CCDC191: variants seen among roughly 807,000 people sequenced by gnomAD.
CCDC191 encodes the protein coiled-coil domain containing 191.
In CCDC191, 99 loss-of-function variants were observed where a neutral mutation model predicts 114.0. That is an observed-to-expected ratio of 0.87 (90% CI 0.74 to 1.03). The LOEUF (loss-of-function observed/expected upper bound fraction) is 1.03, where lower values mean the gene tolerates loss of function less well. Among genes scored for constraint, CCDC191 ranks in the 50% least tolerant of loss-of-function variants. The probability of loss-of-function intolerance (pLI) is 0.00; values close to 1 mark genes in which losing one functional copy is unlikely to be tolerated. For missense variants in CCDC191, 973 were observed against 1,087.0 expected (o/e 0.90, Z 1.47); for synonymous variants, 351 against 376.0 (o/e 0.93, Z 0.77).
intron 8 of CCDC191, among the ~76,000 whole-genome samples, chr3:114,016,781 C>T (rs1462809144): frequency 6.6e-6 from 1 of 152,174 alleles, no homozygotes; most frequent in African/African-American, 2.4e-5. Context: ...ATACAAGTTT[C>T]TTCTAGCATG....
intron 7 of CCDC191, among the ~76,000 whole-genome samples, chr3:114,029,761 T>C (rs1358168766): frequency 1.3e-5 from 2 of 152,106 alleles, no homozygotes; most frequent in Non-Finnish European, 2.9e-5. Context: ...ATAGCATTCT[T>C]ACCAAAAATG....
At chr3:114,025,466 T>C (rs1380449742) in intron 7 of CCDC191, among the ~76,000 whole-genome samples, 1 of 152,206 alleles carries the variant, frequency 6.6e-6, no homozygotes, top group Non-Finnish European at 1.5e-5. Flanking sequence ...ATGTACCCCT[T>C]ACATAAGGCC....
chr3:114,025,772 C>G (rs1044265065), intron 7 of CCDC191, among the ~76,000 whole-genome samples: 116 of 152,264 alleles, frequency 7.6e-4, no homozygotes, highest in African/African-American at 2.7e-3. Context: ...CCTTAGAGAC[C>G]TTCTTCCCCA....
rs1188003190 is a variant in CCDC191, at chr3:113,965,088, G to C, written c.*67C>G. The C allele has an allele frequency of 1.2e-6, 1 of 858,694 alleles. No homozygotes were observed. Among genetic ancestry groups the C allele is most frequent in the Admixed American group, 2.5e-5 (1 of 40,290 alleles). 53.2% of individuals were successfully genotyped at this position (858,694 alleles called of 1,614,324 possible). The stretch of plus-strand genomic sequence containing the variant: ...CCAGGTGTATGTATGTATGTGTGTG[G>C]GTGGGTGGAGATAACACACATACAG... On this transcript the variant is annotated 3_prime_UTR_variant, in exon 17 of 17. Transcript: ENST00000295878.
intron 16 of CCDC191, among the ~76,000 whole-genome samples, chr3:113,966,949 A>G (rs1940240057): frequency 6.6e-6 from 1 of 151,976 alleles, no homozygotes; most frequent in African/African-American, 2.4e-5. Flanking sequence ...AAATACAAAA[A>G]TTAGCCCGGC....
chr3:114,027,624 A>AAAG (rs1553751132), intron 7 of CCDC191, among the ~76,000 whole-genome samples: 29 of 131,016 alleles, frequency 2.2e-4, no homozygotes, highest in Non-Finnish European at 4.2e-4. Flanking sequence ...AAAAAAAAAG[A>AAAG]AAAAAAAATC....
chr3:114,013,042 G>T (rs2076098253), intron 8 of CCDC191, among the ~76,000 whole-genome samples: 1 of 152,070 alleles, frequency 6.6e-6, no homozygotes, highest in Admixed American at 6.6e-5. Context: ...TTGAGCCCAG[G>T]AGTTTGAGAC....
At chr3:114,049,695 AG>A (rs1204955920) in intron 2 of CCDC191, among the ~76,000 whole-genome samples, 1 of 152,342 alleles carries the variant, frequency 6.6e-6, no homozygotes, top group East Asian at 1.9e-4. Context: ...TAACAAGGCA[AG>A]TGTTTGGGAT....
intron 16 of CCDC191, among the ~76,000 whole-genome samples, chr3:113,972,695 G>A (rs1416399321): frequency 6.6e-6 from 1 of 152,092 alleles, no homozygotes; most frequent in Non-Finnish European, 1.5e-5. Context: ...TTGTATTGCA[G>A]TTATCTCTCC....
At chr3:114,009,939 G>A (rs111626523) in intron 9 of CCDC191, among the ~76,000 whole-genome samples, 1 of 152,004 alleles carries the variant, frequency 6.6e-6, no homozygotes, top group Non-Finnish European at 1.5e-5. Flanking sequence ...CTAGTCCTTA[G>A]ACAGGGGATA....
In CCDC191 at chr3:113,999,340, C is replaced by T. The variant is rs568616106; in HGVS notation, c.2163+2255G>A. Among the ~76,000 whole-genome samples, 5 of 152,198 alleles carry T rather than the reference C, an allele frequency of 3.3e-5. No homozygotes were observed. In the South Asian group the frequency reaches 1.0e-3, roughly 32 times the overall value. ...GACTGCTACCTGGCCACTTTCGGCT[C>T]CTTGTGCCACTGAATCGATGGCAAA... On this transcript the variant is annotated intron_variant, in intron 13 of 16. Coordinates refer to ENST00000295878, the MANE Select transcript of CCDC191 (RefSeq NM_020817.2).
intron 3 of CCDC191, among the ~76,000 whole-genome samples, chr3:114,045,050 A>C (rs572062032): frequency 5.9e-5 from 9 of 152,234 alleles, no homozygotes; most frequent in Non-Finnish European, 1.0e-4. Context: ...GATAATATAC[A>C]GATTTCAGGA....
Position 114,005,844 on chromosome 3 carries a change from G to A in CCDC191, c.1532C>T (p.Ser511Phe). The A allele has an allele frequency of 1.2e-6, 2 of 1,614,058 alleles. No homozygotes were observed. Among genetic ancestry groups the A allele is most frequent in the African/African-American group, 2.7e-5 (2 of 75,034 alleles). Residue 511 changes from serine (S) to phenylalanine (F), a missense_variant, in exon 10 of 17, where the codon TCT becomes TTT. Ser to Phe is a radical substitution (Grantham distance 155, BLOSUM62 -2). Transcript: ENST00000295878. Reference protein sequence around the residue: ...GNLQGSLQNVSLSAPGNKQHK... With the variant: ...GNLQGSLQNVFLSAPGNKQHK... ...CTGCTTATTGCCAGGTGCACTCAGA[G>A]AGACATTCTGAAGGGAACCCTGCAA...
Position 114,036,793 on chromosome 3 carries a change from G to A in CCDC191, c.416-7C>T, listed in dbSNP as rs1305039670. ...TCCAAATAGCCACATAAATCTGGGG[G>A]AAACAGAACAACAAAAAAGGGAATT... is the stretch of plus-strand genomic sequence containing the variant. On this transcript the variant is annotated splice_region_variant and splice_polypyrimidine_tract_variant and intron_variant, in intron 4 of 16. Transcript: ENST00000295878. 10 of 1,484,988 alleles carry A rather than the reference G, an allele frequency of 6.7e-6. No individual in the cohort carries two copies. The East Asian group carries it at 1.0e-4, about 15-fold the overall frequency. 92.0% of individuals were successfully genotyped at this position (1,484,988 alleles called of 1,614,324 possible).
chr3:113,989,473 C>T (rs1353047950), intron 13 of CCDC191, among the ~76,000 whole-genome samples: 2 of 152,008 alleles, frequency 1.3e-5, no homozygotes, highest in Admixed American at 6.5e-5. Flanking sequence ...GGAACTTAAA[C>T]TAGAAATTAA....
chr3:114,047,189 CAT>C (rs1399369592), intron 2 of CCDC191: 1 of 816,186 alleles, frequency 1.2e-6, no homozygotes. Context: ...ATTAGGCAAT[CAT>C]ATATTAGGTT....
At chr3:113,989,469 TAAACTAGAAATTA>T (rs1334697845) in intron 13 of CCDC191, among the ~76,000 whole-genome samples, 2 of 152,154 alleles carry the variant, frequency 1.3e-5, no homozygotes, top group South Asian at 2.1e-4. Context: ...ATAAGGAACT[TAAACTAGAAATTA>T]AAACTAGAAA....
intron 8 of CCDC191, among the ~76,000 whole-genome samples, chr3:114,016,578 G>C (rs1313917462): frequency 6.6e-6 from 1 of 152,084 alleles, no homozygotes. Flanking sequence ...AACTCTGGCA[G>C]TTAAAAAATG....
intron 16 of CCDC191, among the ~76,000 whole-genome samples, chr3:113,975,577 C>T (rs1338327401): frequency 6.6e-6 from 1 of 152,158 alleles, no homozygotes; most frequent in African/African-American, 2.4e-5. Flanking sequence ...GTGGTGCTTC[C>T]ACTCTGTTTA....
Sources: allele counts gnomAD v4.1 joint callset (sites outside exome capture counted in the v4.1 genomes callset), GRCh38; gene constraint gnomAD v4.1.1; transcripts MANE v1.5; gene names NCBI Gene and HGNC (gene_info 2026-07-23, HGNC 2026-07-21).